Variants in CPXM2 observed in about 807,000 individuals in gnomAD.
CPXM2 encodes the protein carboxypeptidase X, M14 family member 2, also known as inactive carboxypeptidase-like protein X2.
CPXM2 carries 66 observed loss-of-function variants against 86.1 expected under a neutral mutation model. The ratio of observed to expected loss-of-function variants is 0.77; its 90% CI spans 0.63 to 0.94. CPXM2 has a LOEUF of 0.94. CPXM2 is among the 40% of genes least tolerant of loss of function. CPXM2 has a pLI of 0.00. For missense variants in CPXM2, 948 were observed against 1,026.3 expected (o/e 0.92, Z 1.04); for synonymous variants, 388 against 400.2 (o/e 0.97, Z 0.36).
intron 2 of CPXM2, among the ~76,000 whole-genome samples, chr10:123,900,603 C>G (rs1945374010): frequency 6.6e-6 from 1 of 152,230 alleles, no homozygotes; most frequent in Non-Finnish European, 1.5e-5. Context: ...GGCACCCCAG[C>G]ACTGCTGGTG....
chr10:123,934,128 G>A (rs754114769), intron 2 of CPXM2, among the ~76,000 whole-genome samples: 2 of 152,170 alleles, frequency 1.3e-5, no homozygotes, highest in Admixed American at 6.5e-5. Context: ...TGTTAGGAAA[G>A]GGGGAAGGGG....
chr10:123,848,304 TC>T (rs1233853197), intron 3 of CPXM2, among the ~76,000 whole-genome samples: 1 of 152,218 alleles, frequency 6.6e-6, no homozygotes, highest in Non-Finnish European at 1.5e-5. Flanking sequence ...AATCTGCTGA[TC>T]CTTCTGCAAA....
chr10:123,748,918 C>T (rs1046281532), intron 13 of CPXM2, among the ~76,000 whole-genome samples: 4 of 152,076 alleles, frequency 2.6e-5, no homozygotes, highest in South Asian at 4.1e-4. Flanking sequence ...AAATGGCCTC[C>T]GCTTCCTGCC....
intron 2 of CPXM2, among the ~76,000 whole-genome samples, chr10:123,924,624 T>A (rs989591388): frequency 1.3e-5 from 2 of 152,150 alleles, no homozygotes; most frequent in Non-Finnish European, 2.9e-5. Context: ...TTTATGGAAG[T>A]TTCATCACTT....
intron 3 of CPXM2, among the ~76,000 whole-genome samples, chr10:123,847,054 A>G (rs1191531538): frequency 6.6e-6 from 1 of 152,206 alleles, no homozygotes; most frequent in Non-Finnish European, 1.5e-5. Context: ...AGTCATAATA[A>G]TGAAAACCTT....
At position 123,891,246 on chromosome 10, in the gene CPXM2, T is replaced by TC; in HGVS notation, c.304+109dup. ...GAGGCAGAGGCGGCAACAGGGAGAT[T>TC]CCCGGGACTGGCCCATCCCAGACAC... is the stretch of plus-strand genomic sequence containing the variant. On this transcript the variant is annotated intron_variant, in intron 1 of 13. Transcript: ENST00000241305. This position sits in a 1 kb window ranked among gnomAD's most constrained non-coding sequence, Gnocchi z 5.6. 1.1e-6 allele frequency: 1 copy of TC among 940,174 alleles called. No homozygotes were observed. The highest frequency in any genetic ancestry group is 1.9e-5 in the South Asian group (1 of 53,980). 58.2% of individuals were successfully genotyped at this position (940,174 alleles called of 1,614,324 possible). A position where few individuals can be genotyped will look rare whatever the true frequency, so the allele number is the denominator to read the frequency against.
intron 6 of CPXM2, 97 bp from the exon 7 acceptor site, chr10:123,780,352 C>A: frequency 1.2e-6 from 1 of 821,620 alleles, no homozygotes. Context: ...ACAGTGCAGC[C>A]CAATCTCTAG....
At chr10:123,919,043 C>CTA (rs139947435) in intron 2 of CPXM2, among the ~76,000 whole-genome samples, 2 of 151,790 alleles carry the variant, frequency 1.3e-5, no homozygotes, top group African/African-American at 4.8e-5. Flanking sequence ...GCCCCTAAAT[C>CTA]TGTTTGAAGC....
rs567629035 is a variant in CPXM2, at chr10:123,845,714, G to T, written c.514-3226C>A. Among the ~76,000 whole-genome samples the T allele has an allele frequency of 1.5e-4, 23 of 152,200 alleles. 1 individual carries two copies. The South Asian group carries it at 4.8e-3, about 32-fold the overall frequency. ...TTTCCCAGTTAAGTCTTCAAAACAT[G>T]TAAGAATCTAGTACACATAATAAAC... is the stretch of plus-strand genomic sequence containing the variant. On this transcript the variant is annotated intron_variant, in intron 3 of 13. Coordinates refer to ENST00000241305, the MANE Select transcript of CPXM2 (RefSeq NM_198148.3).
chr10:123,919,997 C>A (rs538077109), intron 2 of CPXM2, among the ~76,000 whole-genome samples: 1 of 152,236 alleles, frequency 6.6e-6, no homozygotes, highest in South Asian at 2.1e-4. Context: ...AAGGACAGCA[C>A]CAAGCCTTTC....
chr10:123,761,762 A>G lies in CPXM2; in HGVS notation c.1777+110T>C, dbSNP rs958979117. On this transcript the variant is annotated intron_variant, in intron 11 of 13. Transcript: ENST00000241305. ...CAGGTCCTAAGTGCTCCACCGTGGCAGCCACCACTTAGTGACAACAGGACA... is the reference window on the plus strand; with the variant it reads ...CAGGTCCTAAGTGCTCCACCGTGGCGGCCACCACTTAGTGACAACAGGACA... The G allele has an allele frequency of 1.3e-5, 14 of 1,088,122 alleles. No individual in the cohort carries two copies. In the African/African-American group the frequency reaches 2.1e-4, roughly 16 times the overall value. 67.4% of individuals were successfully genotyped at this position (1,088,122 alleles called of 1,614,324 possible).
chr10:123,930,915 T>C (rs1945661848), intron 2 of CPXM2, among the ~76,000 whole-genome samples: 1 of 152,154 alleles, frequency 6.6e-6, no homozygotes, highest in Admixed American at 6.5e-5. Flanking sequence ...AAATCTTTCG[T>C]TCCCACAGCA....
At chr10:123,774,652 T>C (rs1846738582) in intron 7 of CPXM2, among the ~76,000 whole-genome samples, 1 of 152,180 alleles carries the variant, frequency 6.6e-6, no homozygotes, top group Non-Finnish European at 1.5e-5. Context: ...ATTCAGGGCC[T>C]AACTCTCTTA....
chr10:123,901,919 C>G (rs558452238), intron 2 of CPXM2, among the ~76,000 whole-genome samples: 5 of 152,150 alleles, frequency 3.3e-5, no homozygotes, highest in Non-Finnish European at 4.4e-5. Context: ...GTAAGCGGGG[C>G]TGAATTTTTC....
intron 3 of CPXM2, among the ~76,000 whole-genome samples, chr10:123,861,646 C>T (rs1848851315): frequency 6.6e-6 from 1 of 152,116 alleles, no homozygotes; most frequent in Non-Finnish European, 1.5e-5. Flanking sequence ...CAGGCAGTCA[C>T]ATGAAGACTC....
At chr10:123,868,543 A>T (rs1944836506) in intron 2 of CPXM2, among the ~76,000 whole-genome samples, 1 of 152,206 alleles carries the variant, frequency 6.6e-6, no homozygotes. Flanking sequence ...AGAGTACACA[A>T]GATTTTGCAG....
rs114502200 is a variant in CPXM2, at chr10:123,793,987, G to A, written c.889+3989C>T. On this transcript the variant is annotated intron_variant, in intron 6 of 13. Coordinates refer to ENST00000241305, the MANE Select transcript of CPXM2 (RefSeq NM_198148.3). Reference sequence around the variant, plus strand: ...AACATCACAGTTTAGCAAGACAGGCGGTGGCCTTACAATTAAAATAGCTTT... The same window carrying A: ...AACATCACAGTTTAGCAAGACAGGCAGTGGCCTTACAATTAAAATAGCTTT... 5.4e-3 allele frequency among the ~76,000 whole-genome samples: 817 copies of A among 150,696 alleles called. 10 individuals carry two copies. Among genetic ancestry groups the A allele is most frequent in the African/African-American group, 0.019 (749 of 40,084 alleles).
chr10:123,906,549 G>A (rs1180984886), intron 2 of CPXM2, among the ~76,000 whole-genome samples: 2 of 152,134 alleles, frequency 1.3e-5, no homozygotes, highest in African/African-American at 4.8e-5. Context: ...CATGATATTG[G>A]AATAAAATTT....
At chr10:123,749,529 T>C (rs2133964529) in intron 13 of CPXM2, among the ~76,000 whole-genome samples, 1 of 152,326 alleles carries the variant, frequency 6.6e-6, no homozygotes, top group East Asian at 1.9e-4. Flanking sequence ...CCTGCTGTTA[T>C]CGCAGGGCCA....
Sources: gnomAD v4.1 joint callset for allele counts (sites outside exome capture counted in the v4.1 genomes callset) on GRCh38, gnomAD v4.1.1 for gene constraint, Gnocchi (gnomAD v3.1) non-coding constraint, MANE v1.5 for transcripts, NCBI Gene and HGNC (gene_info 2026-07-23, HGNC 2026-07-21) for gene names.